The following CEP170B variants were observed in gnomAD, a reference collection of about 807,000 sequenced individuals.
CEP170B encodes centrosomal protein 170B.
Under a neutral mutation model 120.6 loss-of-function variants are expected in CEP170B, and 55 were observed. The ratio of observed to expected loss-of-function variants is 0.46; its 90% CI spans 0.37 to 0.57. The LOEUF is 0.57. CEP170B is among the 20% of genes least tolerant of loss of function. The pLI, the probability that CEP170B is intolerant of heterozygous loss-of-function variation, is 0.00. For synonymous variants in CEP170B, 1,033 were observed against 954.5 expected (o/e 1.08, Z -1.52); for missense variants, 2,212 against 2,253.3 (o/e 0.98, Z 0.37).
chr14:104,872,111 T>C (rs1372506432), intron 2 of CEP170B, among the ~76,000 whole-genome samples: 1 of 151,978 alleles, frequency 6.6e-6, no homozygotes, highest in African/African-American at 2.4e-5. Context: ...GTCCAGGGTG[T>C]GCGTGTGTGC....
rs1177594403 is a variant in CEP170B, at chr14:104,865,733, C to T, written c.-28+220C>T. On this transcript the variant is annotated intron_variant, in intron 1 of 18. Coordinates refer to ENST00000414716, the MANE Select transcript of CEP170B (RefSeq NM_001112726.3). This position sits in a 1 kb window ranked among gnomAD's most constrained non-coding sequence, Gnocchi z 6.7. Reference sequence around the variant, plus strand: ...AGGAGCCGCCCCGTTTCTACGCGGCCTGCGGAGGGGGCGGCAAGCCTGGGC... The same window carrying T: ...AGGAGCCGCCCCGTTTCTACGCGGCTTGCGGAGGGGGCGGCAAGCCTGGGC... Among the ~76,000 whole-genome samples, 1 of 151,998 alleles carries T rather than the reference C, an allele frequency of 6.6e-6. No individual in the cohort carries two copies. Among genetic ancestry groups the T allele is most frequent in the African/African-American group, 2.4e-5 (1 of 41,422 alleles).
At position 104,885,380 on chromosome 14, in the gene CEP170B, G is replaced by A. The variant is rs1214020393; in HGVS notation, c.1782G>A (p.Val594=). The part of the protein sequence containing the change: ...ARKMIDQVFG[V]LESPELSRAS... ...TTTCCTCTTGGCAGGTCTTTGGGGTGTTGGAGTCCCCTGAACTCTCCAGGG... is the reference window on the plus strand; with the variant it reads ...TTTCCTCTTGGCAGGTCTTTGGGGTATTGGAGTCCCCTGAACTCTCCAGGG... Residue 594 remains valine (V), a synonymous_variant, in exon 10 of 19, where the codon GTG becomes GTA. Transcript: ENST00000414716. The A allele has an allele frequency of 6.4e-7, 1 of 1,565,204 alleles. No individual in the cohort carries two copies.
intron 9 of CEP170B, among the ~76,000 whole-genome samples, chr14:104,884,939 G>A (rs1488413898): frequency 9.2e-5 from 9 of 98,162 alleles, no homozygotes; most frequent in Non-Finnish European, 4.3e-5. Context: ...GAGAGCACTC[G>A]TGGGGAACGG....
chr14:104,873,634 C>A (rs961795634), intron 2 of CEP170B, among the ~76,000 whole-genome samples: 3 of 151,940 alleles, frequency 2.0e-5, no homozygotes, highest in Admixed American at 6.5e-5. Flanking sequence ...CAGGAGCTCT[C>A]GAGGCCCAGC....
intron 13 of CEP170B, among the ~76,000 whole-genome samples, 172 bp downstream of exon 13, chr14:104,889,930 A>ATGAG (rs1896711132): frequency 1.5e-5 from 1 of 66,444 alleles, no homozygotes; most frequent in African/African-American, 5.4e-5. Flanking sequence ...GGATGGATGG[A>ATGAG]TGGATGGATG....
chr14:104,891,023 GTGGATGGA>G lies in CEP170B; in HGVS notation c.3878+1284_3878+1291del, dbSNP rs796943744. Among the ~76,000 whole-genome samples, 2 of 118,306 alleles carry G rather than the reference GTGGATGGA, an allele frequency of 1.7e-5. No individual in the cohort carries two copies. Among genetic ancestry groups the G allele is most frequent in the Admixed American group, 8.3e-5 (1 of 12,012 alleles). The allele number at this position is 118,306 out of a possible 152,430, so 77.6% of individuals were successfully genotyped here. ...TGTGGATGGATGGATGAGTGGGTGG[GTGGATGGA>G]TGGATGGATGGATGGATGAGTGGGT... On this transcript the variant is annotated intron_variant, in intron 13 of 18. Transcript: ENST00000414716. The surrounding 1 kb of genome is among the most constrained non-coding windows in gnomAD (Gnocchi z 4.3).
In CEP170B at chr14:104,887,353, A is replaced by T. The variant is rs376121068; in HGVS notation, c.3114A>T (p.Arg1038=). 6.2e-7 allele frequency: 1 copy of T among 1,611,650 alleles called. No individual in the cohort carries two copies. The highest frequency in any genetic ancestry group is 8.5e-7 in the Non-Finnish European group (1 of 1,179,532). ...CCATAAGGCGTGGCCACAGGCCCCG[A>T]GGGTCCCTGGATTGGCCCAGTGAGG... is the stretch of plus-strand genomic sequence containing the variant. ...RSAIRRGHRP[R]GSLDWPSEER... The change falls in exon 12 of 19, where the codon CGA becomes CGT. Residue 1038 remains arginine (R), a synonymous_variant. Transcript: ENST00000414716.
In CEP170B at chr14:104,877,879, C is replaced by A. The variant is rs549647594; in HGVS notation, c.196-6C>A. On this transcript the variant is annotated splice_polypyrimidine_tract_variant and splice_region_variant and intron_variant, in intron 3 of 18. Coordinates refer to ENST00000414716, the MANE Select transcript of CEP170B (RefSeq NM_001112726.3). ...CCCCCCCCCCCCGCCACCTGTTTTCCTGCAGACGTTTGTGAATGACATGCG... is the reference window on the plus strand; with the variant it reads ...CCCCCCCCCCCCGCCACCTGTTTTCATGCAGACGTTTGTGAATGACATGCG... 1.4e-5 allele frequency: 16 copies of A among 1,124,572 alleles called. No individual in the cohort carries two copies. The Admixed American group carries it at 2.6e-4, about 18-fold the overall frequency. The allele number at this position is 1,124,572 out of a possible 1,614,324, so 69.7% of individuals were successfully genotyped here.
In CEP170B at chr14:104,868,112, T is replaced by C. The variant is rs1171523360; in HGVS notation, c.-27-312T>C. Among the ~76,000 whole-genome samples the C allele has an allele frequency of 6.6e-6, 1 of 152,086 alleles. No individual in the cohort carries two copies. Among genetic ancestry groups the C allele is most frequent in the African/African-American group, 2.4e-5 (1 of 41,414 alleles). On this transcript the variant is annotated intron_variant, in intron 1 of 18. Transcript: ENST00000414716. The surrounding 1 kb of genome is among the most constrained non-coding windows in gnomAD (Gnocchi z 5.9). ...ACAGGCAGTGCAGCCAGTGTCCCCATGAACTTCAACCCCTGACACCTGGAA... is the reference window on the plus strand; with the variant it reads ...ACAGGCAGTGCAGCCAGTGTCCCCACGAACTTCAACCCCTGACACCTGGAA...
intron 3 of CEP170B, 94 bp from the exon 4 acceptor site, chr14:104,877,791 C>A: frequency 3.1e-6 from 2 of 636,754 alleles, no homozygotes; most frequent in South Asian, 1.8e-5. Flanking sequence ...TGCCCACTGC[C>A]ACCCACCTGC....
At chr14:104,889,205 C>T (rs934076871) in intron 12 of CEP170B, among the ~76,000 whole-genome samples, 1 of 152,194 alleles carries the variant, frequency 6.6e-6, no homozygotes, top group Non-Finnish European at 1.5e-5. Flanking sequence ...CTGTCAGGCA[C>T]TGCTTTCCCA....
At chr14:104,889,433 C>G (rs1051214388) in intron 12 of CEP170B, 187 bp from the exon 13 acceptor site, 1 of 1,451,730 alleles carries the variant, frequency 6.9e-7, no homozygotes, top group African/African-American at 1.4e-5. Flanking sequence ...GAGCCCTCTC[C>G]CAGAGGGACC....
At position 104,877,965 on chromosome 14, in the gene CEP170B, T is replaced by A. The variant is rs1157983069; in HGVS notation, c.274+2T>A. 1 of 1,604,752 alleles carries A rather than the reference T, an allele frequency of 6.2e-7. No individual in the cohort carries two copies. The highest frequency in any genetic ancestry group is 1.7e-5 in the Admixed American group (1 of 59,056). On this transcript the variant is annotated splice_donor_variant, in intron 4 of 18. Coordinates refer to ENST00000414716, the MANE Select transcript of CEP170B (RefSeq NM_001112726.3). LOFTEE classifies it high-confidence loss of function. ...ACGATGTCATCCGCTTCGGCTACGA[T>A]ATCCTGCCCCTGAGCGTCCCTCCTC... is the stretch of plus-strand genomic sequence containing the variant.
At chr14:104,877,833 G>GCCCCCCCCCCCCCCCCCCCCCCCCCC in intron 3 of CEP170B, 52 bp from the exon 4 acceptor site, 19 of 359,774 alleles carry the variant, frequency 5.3e-5, no homozygotes, top group Admixed American at 1.2e-4. Flanking sequence ...CCTGCCCACA[G>GCCCCCCCCCCCCCCCCCCCCCCCCCC]CCACCCACCC....
Position 104,893,754 on chromosome 14 carries a change from C to G in CEP170B, c.4183-7C>G, listed in dbSNP as rs771478583. ...GGCGGGGCCATGCTGAGGCCGGGCT[C>G]TTGCAGGTGATCTTCGATAACCTGA... On this transcript the variant is annotated splice_region_variant and splice_polypyrimidine_tract_variant and intron_variant, in intron 15 of 18. Coordinates refer to ENST00000414716, the MANE Select transcript of CEP170B (RefSeq NM_001112726.3). 9 of 1,605,150 alleles carry G rather than the reference C, an allele frequency of 5.6e-6. No homozygotes were observed. The highest frequency in any genetic ancestry group is 2.7e-5 in the African/African-American group (2 of 74,778).
intron 14 of CEP170B, 90 bp from the exon 15 acceptor site, chr14:104,893,433 T>C (rs1595362171): frequency 1.4e-6 from 2 of 1,457,228 alleles, no homozygotes; most frequent in Admixed American, 4.1e-5. Context: ...GTGTGCTCTG[T>C]CCACCTGCCG....
At chr14:104,871,762 A>G (rs1280308632) in intron 2 of CEP170B, among the ~76,000 whole-genome samples, 1 of 152,142 alleles carries the variant, frequency 6.6e-6, no homozygotes, top group Admixed American at 6.5e-5. Flanking sequence ...CTGTGGGAGG[A>G]CAGAGCTGAG....
At chr14:104,881,389 G>A (rs1896148471) in intron 6 of CEP170B, among the ~76,000 whole-genome samples, 1 of 152,154 alleles carries the variant, frequency 6.6e-6, no homozygotes, top group Admixed American at 6.5e-5. Context: ...GTCCAGGAGG[G>A]GTCACCCTGC....
chr14:104,896,496 C>T lies in CEP170B; in HGVS notation c.*1538C>T. ...TGAAGTGGTCACGCTTCATCCACGG[C>T]TCCTTCCCACCCCTCGGCAGTGGCT... On this transcript the variant is annotated 3_prime_UTR_variant, in exon 19 of 19. Coordinates refer to ENST00000414716, the MANE Select transcript of CEP170B (RefSeq NM_001112726.3). 1 of 445,872 alleles carries T rather than the reference C, an allele frequency of 2.2e-6. No individual in the cohort carries two copies. Among genetic ancestry groups the T allele is most frequent in the East Asian group, 7.1e-5 (1 of 14,138 alleles). The allele number at this position is 445,872 out of a possible 1,614,324, so 27.6% of individuals were successfully genotyped here.
Sources: gnomAD v4.1 joint callset for allele counts (sites outside exome capture counted in the v4.1 genomes callset) on GRCh38, gnomAD v4.1.1 for gene constraint, Gnocchi (gnomAD v3.1) non-coding constraint, MANE v1.5 for transcripts, NCBI Gene and HGNC (gene_info 2026-07-23, HGNC 2026-07-21) for gene names.